Variants in CFAP161 observed in about 807,000 individuals in gnomAD.
CFAP161 encodes cilia- and flagella-associated protein 161.
In CFAP161, 25 loss-of-function variants were observed where a neutral mutation model predicts 29.0. The ratio of observed to expected loss-of-function variants is 0.86; its 90% CI spans 0.63 to 1.20. The LOEUF (loss-of-function observed/expected upper bound fraction) is 1.20, where lower values mean the gene tolerates loss of function less well. Ranked by LOEUF, CFAP161 falls within the 50% of genes most tolerant of loss-of-function variation. The pLI, the probability that CFAP161 is intolerant of heterozygous loss-of-function variation, is 0.00. For missense variants in CFAP161, 367 were observed against 371.9 expected (o/e 0.99, Z 0.11); for synonymous variants, 116 against 137.4 (o/e 0.84, Z 1.09).
At chr15:81,127,892 T>C (rs1037794987) in intron 2 of CFAP161, among the ~76,000 whole-genome samples, 11 of 152,194 alleles carry the variant, frequency 7.2e-5, no homozygotes, top group African/African-American at 2.7e-4. Context: ...GGACTATGCA[T>C]GCCATAGTAA....
At chr15:81,118,539 TCCG>T (rs1182589951) in intron 1 of CFAP161, among the ~76,000 whole-genome samples, 2 of 152,192 alleles carry the variant, frequency 1.3e-5, no homozygotes, top group Non-Finnish European at 1.5e-5. Flanking sequence ...CGCTGGGGCG[TCCG>T]CCTGCAGCGC....
intron 1 of CFAP161, among the ~76,000 whole-genome samples, chr15:81,117,130 T>G (rs767533456): frequency 2.6e-5 from 4 of 152,148 alleles, no homozygotes; most frequent in Non-Finnish European, 4.4e-5. Flanking sequence ...AGCCAGGCAT[T>G]TTCTGCACAT....
At position 81,138,041 on chromosome 15, in the gene CFAP161, C is replaced by A; in HGVS notation, c.393-10C>A. 1 of 1,571,902 alleles carries A rather than the reference C, an allele frequency of 6.4e-7. No individual in the cohort carries two copies. The highest frequency in any genetic ancestry group is 8.8e-7 in the Non-Finnish European group (1 of 1,142,082). On this transcript the variant is annotated splice_polypyrimidine_tract_variant and intron_variant, in intron 3 of 6. Transcript: ENST00000286732. Reference sequence around the variant, plus strand: ...TTTACATTTACATTATACTTATTGTCCACTGACAGTGTACACAGAGATGCC... The same window carrying A: ...TTTACATTTACATTATACTTATTGTACACTGACAGTGTACACAGAGATGCC...
intron 5 of CFAP161, among the ~76,000 whole-genome samples, chr15:81,144,800 G>A (rs201522910): frequency 0.038 from 5,468 of 144,254 alleles, 378 homozygotes; most frequent in African/African-American, 0.14. Context: ...AAAAAAAAAA[G>A]AAAGAAAAAG....
intron 1 of CFAP161, chr15:81,117,929 G>A: frequency 2.3e-6 from 1 of 434,568 alleles, no homozygotes; most frequent in Non-Finnish European, 4.3e-6. Context: ...TCTGAGTCAG[G>A]GGCTTCCTGG....
upstream of CFAP161, chr15:81,134,162 T>C (rs1350553102): frequency 1.4e-6 from 1 of 694,956 alleles, no homozygotes; most frequent in Non-Finnish European, 2.4e-6. Context: ...AGACAGCCGC[T>C]GACCCAGACG....
intron 1 of CFAP161, chr15:81,118,156 A>G: frequency 2.0e-6 from 1 of 496,676 alleles, no homozygotes; most frequent in Non-Finnish European, 3.7e-6. Flanking sequence ...AGACATATTC[A>G]GACCTCCAAA....
At chr15:81,121,133 A>G (rs1894567504) in intron 1 of CFAP161, among the ~76,000 whole-genome samples, 1 of 152,200 alleles carries the variant, frequency 6.6e-6, no homozygotes, top group African/African-American at 2.4e-5. Context: ...AATTCCTTCT[A>G]TAAATTATTT....
At chr15:81,120,898 C>T (rs1212182666) in intron 1 of CFAP161, among the ~76,000 whole-genome samples, 1 of 152,162 alleles carries the variant, frequency 6.6e-6, no homozygotes, top group Non-Finnish European at 1.5e-5. Context: ...TAGAAACTGT[C>T]TGTAGTTTAG....
Position 81,142,514 on chromosome 15 carries a change from C to T in CFAP161, c.478-1148C>T, listed in dbSNP as rs537455588. On this transcript the variant is annotated intron_variant, in intron 4 of 6. Transcript: ENST00000286732. Reference sequence around the variant, plus strand: ...CCTCCTCCTCAGAGCCTCTTTTGATCCCCCAGGAAAGCACCGTGCTCCTAC... The same window carrying T: ...CCTCCTCCTCAGAGCCTCTTTTGATTCCCCAGGAAAGCACCGTGCTCCTAC... Among the ~76,000 whole-genome samples the T allele has an allele frequency of 3.3e-5, 5 of 152,212 alleles. No homozygotes were observed. The South Asian group carries it at 8.3e-4, about 25-fold the overall frequency.
chr15:81,115,406 T>C (rs993989606), intron 1 of CFAP161, among the ~76,000 whole-genome samples: 14 of 152,164 alleles, frequency 9.2e-5, no homozygotes, highest in Non-Finnish European at 1.6e-4. Context: ...AGGGGGGTAA[T>C]TGGTCACTAG....
At chr15:81,139,305 A>G (rs978694295) in intron 4 of CFAP161, among the ~76,000 whole-genome samples, 2 of 152,152 alleles carry the variant, frequency 1.3e-5, no homozygotes, top group Non-Finnish European at 2.9e-5. Context: ...TCAAAAAATA[A>G]AAATAAAAAT....
At chr15:81,116,231 C>T (rs181741675) in intron 1 of CFAP161, among the ~76,000 whole-genome samples, 26 of 152,232 alleles carry the variant, frequency 1.7e-4, no homozygotes, top group Admixed American at 1.6e-3. Flanking sequence ...AAAAAGGTTA[C>T]ATTAAGGGAG....
At chr15:81,136,249 C>T (rs945235941) in intron 2 of CFAP161, among the ~76,000 whole-genome samples, 11 of 152,056 alleles carry the variant, frequency 7.2e-5, no homozygotes, top group African/African-American at 2.4e-4. Flanking sequence ...AGTTGGTAAT[C>T]GACAAATTTT....
intron 1 of CFAP161, among the ~76,000 whole-genome samples, chr15:81,100,635 T>C (rs1031166478): frequency 6.6e-6 from 1 of 152,074 alleles, no homozygotes; most frequent in Non-Finnish European, 1.5e-5. Context: ...TTTTTATCTC[T>C]TAAGAATTCT....
intron 5 of CFAP161, among the ~76,000 whole-genome samples, chr15:81,147,467 TACA>T (rs2141887749): frequency 6.6e-6 from 1 of 152,324 alleles, no homozygotes; most frequent in South Asian, 2.1e-4. Context: ...CTTTGATTTA[TACA>T]TCATAAATGT....
At chr15:81,145,622 G>T (rs1894993518) in intron 5 of CFAP161, among the ~76,000 whole-genome samples, 1 of 152,150 alleles carries the variant, frequency 6.6e-6, no homozygotes, top group Non-Finnish European at 1.5e-5. Flanking sequence ...CTTCAGGAAA[G>T]TCTCCCCAGG....
At chr15:81,129,328 A>G (rs970714812), upstream of CFAP161, among the ~76,000 whole-genome samples, 1 of 152,152 alleles carries the variant, frequency 6.6e-6, no homozygotes, top group African/African-American at 2.4e-5. Context: ...TGATAAAGAC[A>G]TCCTGAGACT....
intron 1 of CFAP161, among the ~76,000 whole-genome samples, chr15:81,113,891 T>A (rs2141864533): frequency 6.6e-6 from 1 of 152,312 alleles, no homozygotes; most frequent in South Asian, 2.1e-4. Context: ...CGAGGCTATC[T>A]AAGGGCTCCA....
Sources: allele counts gnomAD v4.1 joint callset (sites outside exome capture counted in the v4.1 genomes callset), GRCh38; gene constraint gnomAD v4.1.1; transcripts MANE v1.5; gene names NCBI Gene and HGNC (gene_info 2026-07-23, HGNC 2026-07-21).